CCDC91: variants seen among roughly 807,000 people sequenced by gnomAD.
CCDC91 encodes the protein coiled-coil domain containing 91.
A neutral mutation model predicts 63.2 loss-of-function variants in CCDC91; 48 were observed. The observed-to-expected ratio is 0.76, with a 90% CI of 0.60 to 0.97. The LOEUF (loss-of-function observed/expected upper bound fraction) is 0.97. Ranked by LOEUF, CCDC91 falls within the 50% of genes least tolerant of loss-of-function variation. The pLI is 0.00. For missense variants in CCDC91, 500 were observed against 494.6 expected, an observed-to-expected ratio of 1.01 and a Z score of -0.10; for synonymous variants, 167 against 165.8, an observed-to-expected ratio of 1.01 and a Z score of -0.06.
chr12:28,348,422 A>G (rs1225582816), intron 6 of CCDC91, among the ~76,000 whole-genome samples: 3 of 152,180 alleles, frequency 2.0e-5, no homozygotes, highest in Admixed American at 2.0e-4. Flanking sequence ...TCGTAGACCC[A>G]GGTGGCCACC....
chr12:28,441,851 T>C (rs1022598946), intron 8 of CCDC91, among the ~76,000 whole-genome samples: 2 of 151,836 alleles, frequency 1.3e-5, no homozygotes, highest in East Asian at 1.9e-4. Flanking sequence ...AATGAAAATA[T>C]TCTATGTCAT....
At chr12:28,503,668 A>C (rs1437851323) in intron 12 of CCDC91, among the ~76,000 whole-genome samples, 1 of 152,208 alleles carries the variant, frequency 6.6e-6, no homozygotes, top group East Asian at 1.9e-4. Flanking sequence ...CACAGTAGCA[A>C]AGACTTGGAA....
intron 6 of CCDC91, among the ~76,000 whole-genome samples, chr12:28,308,664 A>G (rs563837090): frequency 6.6e-6 from 1 of 152,038 alleles, no homozygotes; most frequent in East Asian, 1.9e-4. Context: ...GGTTTTCTTC[A>G]TAGCCTTCAA....
chr12:28,515,950 A>T (rs1222142328), intron 12 of CCDC91, among the ~76,000 whole-genome samples: 1 of 151,956 alleles, frequency 6.6e-6, no homozygotes, highest in African/African-American at 2.4e-5. Context: ...AAGAACATAT[A>T]TTACAAAGAC....
At chr12:28,319,157 A>G (rs1304000118) in intron 6 of CCDC91, among the ~76,000 whole-genome samples, 1 of 152,014 alleles carries the variant, frequency 6.6e-6, no homozygotes, top group Non-Finnish European at 1.5e-5. Context: ...TGTTTTTAAA[A>G]GAAAAATCAA....
chr12:28,458,379 A>G (rs1455308998), intron 11 of CCDC91, among the ~76,000 whole-genome samples: 1 of 149,890 alleles, frequency 6.7e-6, no homozygotes, highest in Non-Finnish European at 1.5e-5. Flanking sequence ...TGTCTGTAAT[A>G]CAACATCTGC....
At chr12:28,458,206 A>C (rs1950140213) in intron 11 of CCDC91, among the ~76,000 whole-genome samples, 1 of 152,118 alleles carries the variant, frequency 6.6e-6, no homozygotes, top group South Asian at 2.1e-4. Flanking sequence ...ATTCATTTTA[A>C]ATTTTTTATT....
At chr12:28,191,448 C>A (rs1426957942) in intron 1 of CCDC91, 1 of 152,144 alleles carries the variant, frequency 6.6e-6, no homozygotes, top group African/African-American at 2.4e-5. Context: ...CTCAGCGGCC[C>A]CTTATGAATT....
intron 3 of CCDC91, among the ~76,000 whole-genome samples, chr12:28,301,502 T>A (rs1484047681): frequency 1.3e-5 from 2 of 151,594 alleles, no homozygotes; most frequent in Non-Finnish European, 3.0e-5. Flanking sequence ...TTATAAGTGA[T>A]ACTCTAATCT....
chr12:28,202,727 C>T (rs1308612196), intron 1 of CCDC91, among the ~76,000 whole-genome samples: 4 of 152,190 alleles, frequency 2.6e-5, no homozygotes, highest in Non-Finnish European at 5.9e-5. Context: ...GTCACCTTTT[C>T]AATTCTTTAC....
chr12:28,312,133 G>A (rs1939391384), intron 6 of CCDC91, among the ~76,000 whole-genome samples: 1 of 151,910 alleles, frequency 6.6e-6, no homozygotes, highest in African/African-American at 2.4e-5. Flanking sequence ...CTTTGTTGTA[G>A]CTACATCAGG....
At chr12:28,525,817 T>C (rs910945456) in intron 12 of CCDC91, among the ~76,000 whole-genome samples, 2 of 152,286 alleles carry the variant, frequency 1.3e-5, no homozygotes, top group African/African-American at 2.4e-5. Context: ...GATACTTCCC[T>C]GTTGGACAAA....
chr12:28,267,768 AT>A (rs1453067513), intron 3 of CCDC91, among the ~76,000 whole-genome samples: 2 of 58,314 alleles, frequency 3.4e-5, no homozygotes, highest in East Asian at 8.4e-4. Context: ...ATTATATATA[AT>A]TATATTATTA....
chr12:28,540,100 A>G (rs964977259), intron 12 of CCDC91, among the ~76,000 whole-genome samples: 1 of 152,162 alleles, frequency 6.6e-6, no homozygotes, highest in African/African-American at 2.4e-5. Flanking sequence ...CAAAGATTGT[A>G]CAAGCCTAGC....
chr12:28,374,694 T>C (rs1406863057), intron 7 of CCDC91, among the ~76,000 whole-genome samples: 1 of 152,100 alleles, frequency 6.6e-6, no homozygotes, highest in Admixed American at 6.6e-5. Flanking sequence ...GGACTTAAAC[T>C]TTTCACAAAT....
intron 12 of CCDC91, among the ~76,000 whole-genome samples, chr12:28,519,565 T>C (rs552401357): frequency 2.3e-4 from 35 of 151,876 alleles, no homozygotes; most frequent in African/African-American, 8.2e-4. Context: ...CTTTTCTTTT[T>C]TTTTTCTTTT....
chr12:28,417,282 A>G (rs1299026051), intron 8 of CCDC91, among the ~76,000 whole-genome samples: 2 of 151,972 alleles, frequency 1.3e-5, no homozygotes, highest in African/African-American at 4.8e-5. Context: ...ATGCAGTAAC[A>G]TTTGTCATTT....
At chr12:28,267,951 A>G (rs1378070559) in intron 3 of CCDC91, among the ~76,000 whole-genome samples, 1 of 101,762 alleles carries the variant, frequency 9.8e-6, no homozygotes, top group African/African-American at 3.8e-5. Flanking sequence ...TATAATTATT[A>G]TATATAATTA....
At chr12:28,407,330 G>A (rs769354434) in intron 8 of CCDC91, among the ~76,000 whole-genome samples, 3 of 151,990 alleles carry the variant, frequency 2.0e-5, no homozygotes, top group Non-Finnish European at 4.4e-5. Context: ...AAAATCAATC[G>A]ACCATATATA....
Sources: allele counts gnomAD v4.1 joint callset (sites outside exome capture counted in the v4.1 genomes callset), GRCh38; gene constraint gnomAD v4.1.1; transcripts MANE v1.5; gene names NCBI Gene and HGNC (gene_info 2026-07-23, HGNC 2026-07-21).